PLCXD2: variants seen among roughly 807,000 people sequenced by gnomAD.
PLCXD2 encodes the protein PI-PLC X domain-containing protein 2.
Under a neutral mutation model 28.6 loss-of-function variants are expected in PLCXD2, and 21 were observed. That is an observed-to-expected ratio of 0.73 (90% confidence interval 0.52 to 1.06). PLCXD2 has a LOEUF of 1.06. Ranked by LOEUF, PLCXD2 falls within the 50% of genes least tolerant of loss-of-function variation. PLCXD2 has a pLI of 0.00. For synonymous variants in PLCXD2, 140 were observed against 150.1 expected (o/e 0.93, Z 0.49); for missense variants, 369 against 376.7 (o/e 0.98, Z 0.17).
At chr3:111,702,651 C>CTTA (rs1274497863) in intron 1 of PLCXD2, among the ~76,000 whole-genome samples, 1 of 151,700 alleles carries the variant, frequency 6.6e-6, no homozygotes, top group African/African-American at 2.4e-5. Context: ...GTTTGCTGAC[C>CTTA]TTATCATAAA....
At chr3:111,704,369 G>A (rs1941087400) in intron 1 of PLCXD2, among the ~76,000 whole-genome samples, 1 of 152,080 alleles carries the variant, frequency 6.6e-6, no homozygotes, top group Non-Finnish European at 1.5e-5. Context: ...ACATAAGAAT[G>A]GTTGACCCTG....
rs189582311 is a variant in PLCXD2 at position 111,687,561 on chromosome 3, A to G, written c.163+12153A>G. Reference sequence around the variant, plus strand: ...ATATTAAATTTATTGTAATATTTGTATGGATTAAATACCTGAATTGGAATA... The same window carrying G: ...ATATTAAATTTATTGTAATATTTGTGTGGATTAAATACCTGAATTGGAATA... On this transcript the variant is annotated intron_variant, in intron 1 of 4. Transcript: ENST00000477665. 5.3e-5 allele frequency among the ~76,000 whole-genome samples: 8 copies of G among 152,332 alleles called. No homozygotes were observed. In the East Asian group the frequency reaches 1.5e-3, roughly 29 times the overall value.
intron 1 of PLCXD2, among the ~76,000 whole-genome samples, chr3:111,688,445 C>T (rs76691310): frequency 1.3e-5 from 2 of 152,322 alleles, no homozygotes; most frequent in Non-Finnish European, 2.9e-5. Context: ...TTTCTTTCCT[C>T]GTATTGATGT....
intron 1 of PLCXD2, among the ~76,000 whole-genome samples, chr3:111,696,546 G>GT (rs572646894): frequency 4.0e-4 from 61 of 152,120 alleles, no homozygotes; most frequent in Admixed American, 3.4e-3. Context: ...GCCGCACCTG[G>GT]TTTTTTTGCA....
intron 3 of PLCXD2, chr3:111,721,079 T>A (rs1186031870): frequency 2.8e-6 from 1 of 351,598 alleles, no homozygotes; most frequent in African/African-American, 2.1e-5. Context: ...AGACTTTTTT[T>A]AAAACTTAAG....
intron 3 of PLCXD2, among the ~76,000 whole-genome samples, chr3:111,715,370 T>C (rs909369417): frequency 1.3e-5 from 2 of 152,204 alleles, no homozygotes; most frequent in African/African-American, 4.8e-5. Flanking sequence ...CAACAAACAT[T>C]GAGCACCTAG....
chr3:111,696,673 T>C (rs769922082), intron 1 of PLCXD2, among the ~76,000 whole-genome samples: 83 of 152,320 alleles, frequency 5.4e-4, no homozygotes, highest in African/African-American at 1.6e-3. Context: ...CAAGCTTTAA[T>C]TGAACACTCT....
chr3:111,687,439 A>G (rs1186485484), intron 1 of PLCXD2, among the ~76,000 whole-genome samples: 1 of 152,222 alleles, frequency 6.6e-6, no homozygotes, highest in Non-Finnish European at 1.5e-5. Context: ...ATATTCAATG[A>G]CCATAAGGCG....
chr3:111,698,263 A>G (rs1051202745), intron 1 of PLCXD2, among the ~76,000 whole-genome samples: 1 of 152,220 alleles, frequency 6.6e-6, no homozygotes, highest in Non-Finnish European at 1.5e-5. Context: ...CAATGAAGTT[A>G]GTACTGCTGT....
intron 1 of PLCXD2, among the ~76,000 whole-genome samples, chr3:111,687,117 G>T (rs566352673): frequency 6.6e-6 from 1 of 152,318 alleles, no homozygotes; most frequent in African/African-American, 2.4e-5. Flanking sequence ...CTGTATAGAT[G>T]CATTTAGTAC....
chr3:111,713,469 T>C (rs1036930712), intron 2 of PLCXD2, among the ~76,000 whole-genome samples: 2 of 152,228 alleles, frequency 1.3e-5, no homozygotes, highest in Non-Finnish European at 2.9e-5. Flanking sequence ...ATGGGACTTA[T>C]TAGACTTACA....
intron 2 of PLCXD2, among the ~76,000 whole-genome samples, chr3:111,709,372 T>C (rs921644535): frequency 3.3e-5 from 5 of 151,964 alleles, no homozygotes; most frequent in African/African-American, 1.2e-4. Context: ...TCATAGATAA[T>C]AGAGATAATA....
chr3:111,708,988 C>T lies in PLCXD2; in HGVS notation c.624+602C>T, dbSNP rs114743996. On this transcript the variant is annotated intron_variant, in intron 2 of 4. Transcript: ENST00000477665. ...TGCCAGCCTAGGACCATGAGGGACA[C>T]GCTCAGGAAGAGGAATGTGGGCCTC... Among the ~76,000 whole-genome samples, 427 of 148,322 alleles carry T rather than the reference C, an allele frequency of 2.9e-3. 1 individual carries two copies. Among genetic ancestry groups the T allele is most frequent in the African/African-American group, 9.6e-3 (367 of 38,420 alleles).
intron 1 of PLCXD2, among the ~76,000 whole-genome samples, chr3:111,702,868 T>C (rs996937556): frequency 2.0e-5 from 3 of 152,214 alleles, no homozygotes; most frequent in African/African-American, 7.2e-5. Context: ...CAAACTTTGA[T>C]AGTGAATTTG....
chr3:111,686,818 T>C (rs1439808810), intron 1 of PLCXD2, among the ~76,000 whole-genome samples: 1 of 152,188 alleles, frequency 6.6e-6, no homozygotes, highest in Non-Finnish European at 1.5e-5. Flanking sequence ...AATGTAATAT[T>C]TTATTATAGT....
At position 111,708,092 on chromosome 3, in the gene PLCXD2, C is replaced by A; in HGVS notation, c.330C>A (p.Ile110=). The change falls in exon 2 of 5, where the codon ATC becomes ATA. Residue 110 remains isoleucine, a synonymous_variant. Coordinates refer to ENST00000477665, the MANE Select transcript of PLCXD2 (RefSeq NM_001185106.1). ...TTCGAGAACAGCTGGAAGCTGGGAT[C>A]CGCTACTTTGACCTGCGTGTGTCTT... 1 of 1,614,238 alleles carries A rather than the reference C, an allele frequency of 6.2e-7. No individual in the cohort carries two copies. Among genetic ancestry groups the A allele is most frequent in the Non-Finnish European group, 8.5e-7 (1 of 1,180,042 alleles).
At chr3:111,716,499 G>A (rs1407378419) in intron 3 of PLCXD2, among the ~76,000 whole-genome samples, 1 of 152,182 alleles carries the variant, frequency 6.6e-6, no homozygotes, top group East Asian at 1.9e-4. Context: ...AAGAAATATA[G>A]CCATTTGACT....
chr3:111,706,223 G>GT (rs1372531732), intron 1 of PLCXD2, among the ~76,000 whole-genome samples: 2 of 152,022 alleles, frequency 1.3e-5, no homozygotes, highest in African/African-American at 2.4e-5. Flanking sequence ...TGATTATTTA[G>GT]TTTTTTTGCT....
At chr3:111,697,586 A>T (rs1195776112) in intron 1 of PLCXD2, among the ~76,000 whole-genome samples, 1 of 152,184 alleles carries the variant, frequency 6.6e-6, no homozygotes, top group Non-Finnish European at 1.5e-5. Context: ...TGTTTTAATG[A>T]TATTTGGTAT....
Sources: gnomAD v4.1 joint callset for allele counts (sites outside exome capture counted in the v4.1 genomes callset) on GRCh38, gnomAD v4.1.1 for gene constraint, MANE v1.5 for transcripts, NCBI Gene and HGNC (gene_info 2026-07-23, HGNC 2026-07-21) for gene names.